VWA3B: variants seen among roughly 807,000 people sequenced by gnomAD.
VWA3B encodes the protein von Willebrand factor A domain-containing protein 3B.
Under a neutral mutation model 158.3 loss-of-function variants are expected in VWA3B, and 138 were observed. The ratio of observed to expected loss-of-function variants is 0.87; its 90% CI spans 0.76 to 1.00. VWA3B has a LOEUF of 1.00. Among genes scored for constraint, VWA3B ranks in the 50% least tolerant of loss-of-function variants. The pLI is 0.00. For missense variants in VWA3B, 1,555 were observed against 1,565.1 expected (o/e 0.99, Z 0.11); for synonymous variants, 596 against 587.3 (o/e 1.01, Z -0.21).
At chr2:98,093,005 G>A in intron 1 of VWA3B, 56 bp from the exon 2 acceptor site, 2 of 1,276,434 alleles carry the variant, frequency 1.6e-6, no homozygotes, top group Non-Finnish European at 1.1e-6. Flanking sequence ...GTCCCCTGTT[G>A]ACGTTAGATG....
intron 10 of VWA3B, among the ~76,000 whole-genome samples, chr2:98,191,138 T>TG (rs1488173481): frequency 6.6e-6 from 1 of 152,246 alleles, no homozygotes; most frequent in African/African-American, 2.4e-5. Flanking sequence ...ATTAATACCA[T>TG]GCAGTGTATT....
intron 19 of VWA3B, among the ~76,000 whole-genome samples, chr2:98,248,877 T>C (rs200238475): frequency 3.5e-5 from 2 of 56,396 alleles, no homozygotes; most frequent in Admixed American, 1.8e-4. Flanking sequence ...CTTTCTTTCT[T>C]TCTTTCTCTC....
chr2:98,104,896 A>G (rs908593333), intron 2 of VWA3B, among the ~76,000 whole-genome samples: 1 of 152,180 alleles, frequency 6.6e-6, no homozygotes, highest in Non-Finnish European at 1.5e-5. Context: ...ACAAGTTTTC[A>G]ACACTCATAC....
At position 98,125,212 on chromosome 2, in the gene VWA3B, T is replaced by A. The variant is rs1675262257; in HGVS notation, c.703-3027T>A. ...TCTCCTGGTCCCAACTTTTGGTCAG[T>A]GATGTTGGTATCTGGGGTAGGAGCC... On this transcript the variant is annotated intron_variant, in intron 5 of 27. Coordinates refer to ENST00000477737, the MANE Select transcript of VWA3B (RefSeq NM_144992.5). The surrounding 1 kb of genome is among the most constrained non-coding windows in gnomAD (Gnocchi z 4.1). Among the ~76,000 whole-genome samples, 1 of 152,212 alleles carries A rather than the reference T, an allele frequency of 6.6e-6. No homozygotes were observed. Among genetic ancestry groups the A allele is most frequent in the African/African-American group, 2.4e-5 (1 of 41,456 alleles).
chr2:98,314,085 C>A (rs1558789860), downstream of VWA3B, among the ~76,000 whole-genome samples: 1 of 152,208 alleles, frequency 6.6e-6, no homozygotes, highest in Non-Finnish European at 1.5e-5. Context: ...GTGATGAGCC[C>A]TGTGCATTTC....
In VWA3B at chr2:98,115,656, T is replaced by C. The variant is rs1282684420; in HGVS notation, c.201T>C (p.Tyr67=). The C allele has an allele frequency of 6.2e-7, 1 of 1,613,586 alleles. No individual in the cohort carries two copies. The change falls in exon 3 of 28, where the codon TAT becomes TAC. Residue 67 remains tyrosine, a synonymous_variant. Transcript: ENST00000477737. The stretch of plus-strand genomic sequence containing the variant: ...TTTTTCTTTATAAAAATGCAGATTA[T>C]GTGGCGTCTCTGGGGAGACCTGTGG... ...SQIGFPHCED[Y]VASLGRPVAS...
intron 20 of VWA3B, among the ~76,000 whole-genome samples, chr2:98,252,239 T>A (rs1686846422): frequency 6.6e-6 from 1 of 152,180 alleles, no homozygotes; most frequent in Non-Finnish European, 1.5e-5. Context: ...AGGCCAGGGC[T>A]CAGCCAGCCT....
intron 5 of VWA3B, among the ~76,000 whole-genome samples, chr2:98,122,929 C>T (rs1028486448): frequency 3.9e-5 from 6 of 152,186 alleles, no homozygotes; most frequent in African/African-American, 1.2e-4. Context: ...GAGAAGAGAC[C>T]GTGGAGCAGC....
the VWA3B span, among the ~76,000 whole-genome samples, chr2:98,326,811 G>GA: frequency 2.6e-5 from 4 of 151,902 alleles, no homozygotes; most frequent in Non-Finnish European, 5.9e-5. Context: ...AACTCTTTCA[G>GA]AAAATGGGGG....
Position 98,223,335 on chromosome 2 carries a change from G to A in VWA3B, c.2020-4867G>A, listed in dbSNP as rs577837293. On this transcript the variant is annotated intron_variant, in intron 14 of 27. Transcript: ENST00000477737. ...AAAAAAAAAAAAAAGGTAGAGCCAC[G>A]AGGACCTGTGAGACAATGACAAAAT... Among the ~76,000 whole-genome samples, 116 of 145,808 alleles carry A rather than the reference G, an allele frequency of 8.0e-4. 2 individuals are homozygous for A. The highest frequency in any genetic ancestry group is 2.7e-3 in the African/African-American group (106 of 39,788).
At chr2:98,303,047 G>A (rs1690292845) in intron 25 of VWA3B, among the ~76,000 whole-genome samples, 1 of 152,208 alleles carries the variant, frequency 6.6e-6, no homozygotes, top group Non-Finnish European at 1.5e-5. Flanking sequence ...GCATGGGGAA[G>A]CCTTCCCCTT....
At chr2:98,222,600 C>G (rs1684600662) in intron 14 of VWA3B, among the ~76,000 whole-genome samples, 1 of 152,148 alleles carries the variant, frequency 6.6e-6, no homozygotes, top group African/African-American at 2.4e-5. Flanking sequence ...CAAGGGCTCT[C>G]CTACCCTACC....
At chr2:98,146,052 T>A (rs1315276766) in intron 7 of VWA3B, among the ~76,000 whole-genome samples, 17 of 152,118 alleles carry the variant, frequency 1.1e-4, no homozygotes, top group Admixed American at 5.9e-4. Flanking sequence ...AATTTTTTTT[T>A]ATATTTCATC....
At chr2:98,092,835 T>C (rs1009688943) in intron 1 of VWA3B, among the ~76,000 whole-genome samples, 12 of 123,136 alleles carry the variant, frequency 9.7e-5, no homozygotes, top group African/African-American at 4.1e-4. Flanking sequence ...TATATATATA[T>C]ATATATATAT....
At chr2:98,234,849 G>A in intron 17 of VWA3B, 82 bp downstream of exon 17, 28 of 1,568,838 alleles carry the variant, frequency 1.8e-5, no homozygotes, top group Non-Finnish European at 2.3e-5. Context: ...GTGTAGATAT[G>A]TTGGGGAAAT....
At chr2:98,180,052 C>T (rs944050922) in intron 8 of VWA3B, among the ~76,000 whole-genome samples, 3 of 147,512 alleles carry the variant, frequency 2.0e-5, no homozygotes, top group African/African-American at 7.6e-5. Context: ...TCCTCCCTCC[C>T]TCCTTTTCTC....
intron 7 of VWA3B, among the ~76,000 whole-genome samples, chr2:98,154,151 C>T (rs1224844008): frequency 4.6e-5 from 7 of 152,186 alleles, no homozygotes; most frequent in African/African-American, 1.7e-4. Context: ...TGTGAGCCAC[C>T]GCGCCCAGCA....
intron 7 of VWA3B, among the ~76,000 whole-genome samples, chr2:98,160,728 C>A (rs1558618198): frequency 6.6e-6 from 1 of 152,200 alleles, no homozygotes. Flanking sequence ...GGCCTGTGGG[C>A]TTAAGGTTCG....
intron 19 of VWA3B, chr2:98,242,299 G>T (rs1409437857): frequency 2.2e-6 from 1 of 456,198 alleles, no homozygotes; most frequent in South Asian, 1.5e-5. Context: ...TGGAAATGAG[G>T]TATTGAGCAA....
Sources: gnomAD v4.1 joint callset for allele counts (sites outside exome capture counted in the v4.1 genomes callset) on GRCh38, gnomAD v4.1.1 for gene constraint, Gnocchi (gnomAD v3.1) non-coding constraint, MANE v1.5 for transcripts, NCBI Gene and HGNC (gene_info 2026-07-23, HGNC 2026-07-21) for gene names.